Variants in FGF12 observed in about 807,000 individuals in gnomAD.
The protein encoded by FGF12 is fibroblast growth factor 12B.
A neutral mutation model predicts 23.6 loss-of-function variants in FGF12; 14 were observed. The ratio of observed to expected loss-of-function variants is 0.59; its 90% CI spans 0.39 to 0.93. The LOEUF (loss-of-function observed/expected upper bound fraction) is 0.93, where lower values mean the gene tolerates loss of function less well. Among genes scored for constraint, FGF12 ranks in the 40% least tolerant of loss-of-function variants. FGF12 has a pLI of 0.00. For synonymous variants in FGF12, 62 were observed against 77.3 expected, an observed-to-expected ratio of 0.80 and a Z score of 1.04; for missense variants, 175 against 217.8, an observed-to-expected ratio of 0.80 and a Z score of 1.24.
intron 4 of FGF12, among the ~76,000 whole-genome samples, chr3:192,310,686 C>G (rs1019557037): frequency 1.3e-5 from 2 of 152,134 alleles, no homozygotes; most frequent in African/African-American, 4.8e-5. Flanking sequence ...TTAATACCTA[C>G]TCAAATGTAC....
chr3:192,456,118 G>A (rs1257219954), intron 2 of FGF12, among the ~76,000 whole-genome samples: 3 of 152,152 alleles, frequency 2.0e-5, no homozygotes, highest in Admixed American at 2.0e-4. Context: ...TATGAGAGAT[G>A]ATAAAAACAT....
At chr3:192,693,747 A>G (rs1718018982) in intron 2 of FGF12, among the ~76,000 whole-genome samples, 1 of 152,160 alleles carries the variant, frequency 6.6e-6, no homozygotes, top group African/African-American at 2.4e-5. Context: ...CAAAATACTC[A>G]ACTCAATATG....
At chr3:192,420,840 C>T (rs911227390) in intron 2 of FGF12, among the ~76,000 whole-genome samples, 3 of 152,148 alleles carry the variant, frequency 2.0e-5, no homozygotes, top group South Asian at 2.1e-4. Context: ...GAAAGAAATA[C>T]GTAAATCTCA....
chr3:192,265,974 G>A (rs1287534921), intron 4 of FGF12, among the ~76,000 whole-genome samples: 1 of 152,084 alleles, frequency 6.6e-6, no homozygotes, highest in Non-Finnish European at 1.5e-5. Flanking sequence ...TAAAGAACTG[G>A]CTCATAGGAA....
intron 4 of FGF12, among the ~76,000 whole-genome samples, chr3:192,192,168 C>T (rs893640271): frequency 2.6e-5 from 4 of 152,124 alleles, no homozygotes; most frequent in Non-Finnish European, 4.4e-5. Context: ...AAGTCTTGCT[C>T]TCCTAACTTT....
chr3:192,495,691 G>C (rs1723934722), intron 2 of FGF12, among the ~76,000 whole-genome samples: 1 of 152,058 alleles, frequency 6.6e-6, no homozygotes, highest in African/African-American at 2.4e-5. Flanking sequence ...TTTTGAAACA[G>C]GGTCTTGCTC....
At chr3:192,391,391 T>C (rs1720287876) in intron 2 of FGF12, among the ~76,000 whole-genome samples, 1 of 152,184 alleles carries the variant, frequency 6.6e-6, no homozygotes, top group Non-Finnish European at 1.5e-5. Context: ...AAGAGTTTGG[T>C]TAACGTTAAA....
intron 5 of FGF12, among the ~76,000 whole-genome samples, chr3:192,155,008 G>A (rs1406776875): frequency 6.3e-5 from 9 of 143,368 alleles, no homozygotes; most frequent in African/African-American, 1.0e-4. Flanking sequence ...GTGGGATATA[G>A]TCTCGTGGTG....
At chr3:192,384,295 T>G (rs1245932270) in intron 2 of FGF12, among the ~76,000 whole-genome samples, 1 of 152,018 alleles carries the variant, frequency 6.6e-6, no homozygotes, top group East Asian at 1.9e-4. Flanking sequence ...AAAGAAGAAA[T>G]GTAGGCACTC....
At chr3:192,246,823 CAA>C (rs749598472) in intron 4 of FGF12, among the ~76,000 whole-genome samples, 29 of 48,704 alleles carry the variant, frequency 6.0e-4, no homozygotes, top group African/African-American at 6.1e-4. Context: ...GAAACTCCGT[CAA>C]AAAAAAAAAA....
intron 4 of FGF12, among the ~76,000 whole-genome samples, chr3:192,234,633 T>G (rs1719188530): frequency 1.3e-5 from 2 of 152,216 alleles, no homozygotes; most frequent in South Asian, 4.1e-4. Flanking sequence ...GGCGGAATGC[T>G]TCCAGCTTTT....
intron 2 of FGF12, among the ~76,000 whole-genome samples, chr3:192,386,298 A>G (rs1049575146): frequency 1.2e-4 from 18 of 152,218 alleles, no homozygotes; most frequent in African/African-American, 4.3e-4. Context: ...GTGTAATTAT[A>G]CATGTGTATG....
At chr3:192,385,850 G>A (rs916016888) in intron 2 of FGF12, among the ~76,000 whole-genome samples, 2 of 152,186 alleles carry the variant, frequency 1.3e-5, no homozygotes, top group Admixed American at 6.5e-5. Context: ...ACAGAATAGG[G>A]AAGCCCAGGC....
At chr3:192,575,121 A>C (rs1019431069) in intron 2 of FGF12, among the ~76,000 whole-genome samples, 1 of 152,252 alleles carries the variant, frequency 6.6e-6, no homozygotes, top group South Asian at 2.1e-4. Flanking sequence ...CATGGAGTGA[A>C]GTAAGCCTAG....
chr3:192,199,808 C>T (rs113962548), intron 4 of FGF12, among the ~76,000 whole-genome samples: 3,169 of 152,252 alleles, frequency 0.021, 124 homozygotes, highest in African/African-American at 0.071. Flanking sequence ...TTGTATCATA[C>T]GCCACTCTTA....
intron 2 of FGF12, among the ~76,000 whole-genome samples, chr3:192,656,604 C>T (rs966894429): frequency 2.0e-5 from 3 of 152,130 alleles, no homozygotes; most frequent in Non-Finnish European, 4.4e-5. Context: ...ACCAACCATC[C>T]TGCAATGCAC....
chr3:192,273,960 C>T (rs1398030210), intron 4 of FGF12, among the ~76,000 whole-genome samples: 3 of 151,462 alleles, frequency 2.0e-5, no homozygotes, highest in Non-Finnish European at 2.9e-5. Context: ...TCATCAGCAT[C>T]GTAATGACTG....
chr3:192,580,319 A>AT (rs35909508), intron 2 of FGF12, among the ~76,000 whole-genome samples: 43,595 of 146,652 alleles, frequency 0.3, 6,346 homozygotes, highest in Middle Eastern at 0.33. Context: ...CAACATTTCT[A>AT]TTTTTTTTTT....
At chr3:192,516,837 G>A (rs1175036720) in intron 2 of FGF12, 3 of 152,222 alleles carry the variant, frequency 2.0e-5, no homozygotes. Context: ...AAGTTATGCA[G>A]CCCCAGGGCA....
Sources: gnomAD v4.1 joint callset for allele counts (sites outside exome capture counted in the v4.1 genomes callset) on GRCh38, gnomAD v4.1.1 for gene constraint, MANE v1.5 for transcripts, NCBI Gene and HGNC (gene_info 2026-07-23, HGNC 2026-07-21) for gene names.